WDR37: variants seen among roughly 807,000 people sequenced by gnomAD.
The protein encoded by WDR37 is WD repeat-containing protein 37.
Under a neutral mutation model 62.9 loss-of-function variants are expected in WDR37, and 19 were observed. The observed-to-expected ratio is 0.30, with a 90% CI of 0.21 to 0.44. The LOEUF (loss-of-function observed/expected upper bound fraction) is 0.44. Ranked by LOEUF, WDR37 falls within the 20% of genes least tolerant of loss-of-function variation. The pLI is 1.00. For synonymous variants in WDR37, 250 were observed against 260.9 expected, an observed-to-expected ratio of 0.96 and a Z score of 0.40; for missense variants, 474 against 657.6, an observed-to-expected ratio of 0.72 and a Z score of 3.05.
At chr10:1,090,154 T>C (rs1325875156) in intron 7 of WDR37, among the ~76,000 whole-genome samples, 1 of 151,628 alleles carries the variant, frequency 6.6e-6, no homozygotes, top group Admixed American at 6.6e-5. Flanking sequence ...TTTTTAAAAT[T>C]TATTTTTAAT....
At chr10:1,075,139 A>G (rs1164668091) in intron 2 of WDR37, among the ~76,000 whole-genome samples, 1 of 151,974 alleles carries the variant, frequency 6.6e-6, no homozygotes, top group African/African-American at 2.4e-5. Context: ...GTTGAAAGTC[A>G]TTTTGTAAGC....
At chr10:1,117,707 C>T (rs1425301555) in intron 11 of WDR37, among the ~76,000 whole-genome samples, 6 of 152,174 alleles carry the variant, frequency 3.9e-5, no homozygotes, top group Non-Finnish European at 8.8e-5. Flanking sequence ...ATACGCAGAG[C>T]GGGCAGCATG....
chr10:1,091,732 G>C (rs1834394182), intron 7 of WDR37, among the ~76,000 whole-genome samples: 2 of 152,192 alleles, frequency 1.3e-5, no homozygotes, highest in African/African-American at 4.8e-5. Flanking sequence ...GTGGGCTCCA[G>C]ACTAGGTCAG....
intron 3 of WDR37, among the ~76,000 whole-genome samples, chr10:1,079,374 TG>T (rs1205608813): frequency 1.3e-5 from 2 of 150,720 alleles, no homozygotes; most frequent in Non-Finnish European, 2.9e-5. Context: ...CATGAGATAC[TG>T]TGCCCAGCCC....
intron 8 of WDR37, among the ~76,000 whole-genome samples, chr10:1,093,923 G>T (rs1035310065): frequency 1.3e-5 from 2 of 152,170 alleles, no homozygotes; most frequent in Non-Finnish European, 2.9e-5. Context: ...TTCTTTCTGG[G>T]TAATTTATCT....
At chr10:1,069,357 A>C (rs566968256) in intron 1 of WDR37, among the ~76,000 whole-genome samples, 6 of 132,828 alleles carry the variant, frequency 4.5e-5, no homozygotes, top group African/African-American at 1.4e-4. Flanking sequence ...GTAATAGTAA[A>C]AAAATTGGAA....
intron 11 of WDR37, among the ~76,000 whole-genome samples, chr10:1,106,902 A>G (rs1425872248): frequency 1.3e-5 from 2 of 152,210 alleles, no homozygotes; most frequent in South Asian, 2.1e-4. Flanking sequence ...AGCAGTCACG[A>G]CCATGCGTAG....
At position 1,131,711 on chromosome 10, in the gene WDR37, T is replaced by TGTGTGTGCGCGC. The variant is rs1491415421; in HGVS notation, c.*2368_*2369insTGTGTGCGCGCG. 11 of 148,786 alleles carry TGTGTGTGCGCGC rather than the reference T, an allele frequency of 7.4e-5. No homozygotes were observed. The highest frequency in any genetic ancestry group is 4.3e-4 in the South Asian group (2 of 4,622). The allele number at this position is 148,786 out of a possible 1,614,324, so 9.2% of individuals were successfully genotyped here. A position where few individuals can be genotyped will look rare whatever the true frequency, so the allele number is the denominator to read the frequency against. On this transcript the variant is annotated 3_prime_UTR_variant, in exon 14 of 14. Coordinates refer to ENST00000263150, the MANE Select transcript of WDR37 (RefSeq NM_014023.4). ...GTGTGTGTGTGTGTGTGTGTGTGTG[T>TGTGTGTGCGCGC]GCACGTGTGTGTGGCTAAATTAAGT... is the stretch of plus-strand genomic sequence containing the variant.
chr10:1,105,192 G>A lies in WDR37; in HGVS notation c.1028G>A (p.Arg343His), dbSNP rs1352994433. 1.9e-6 allele frequency: 3 copies of A among 1,613,926 alleles called. No homozygotes were observed. Among genetic ancestry groups the A allele is most frequent in the South Asian group, 1.1e-5 (1 of 91,070 alleles). The change falls in exon 11 of 14, where the codon CGT becomes CAT. Residue 343 changes from arginine (R) to histidine (H), a missense_variant. Transcript: ENST00000263150. The surrounding 1 kb of genome is among the most constrained non-coding windows in gnomAD (Gnocchi z 5.3). ...PTQRLVVTSS[R>H]DTTFRLWDFR... ...CAGCGGCTCGTGGTGACCTCCTCCC[G>A]TGACACGACTTTCCGCCTCTGGGAT... is the stretch of plus-strand genomic sequence containing the variant.
At chr10:1,079,619 C>T (rs1589087897) in intron 3 of WDR37, among the ~76,000 whole-genome samples, 1 of 151,788 alleles carries the variant, frequency 6.6e-6, no homozygotes, top group African/African-American at 2.4e-5. Context: ...ACTGCAATCT[C>T]TGCCTCCCGG....
chr10:1,110,244 G>A (rs1313943895), intron 11 of WDR37, among the ~76,000 whole-genome samples: 1 of 152,206 alleles, frequency 6.6e-6, no homozygotes, highest in African/African-American at 2.4e-5. Flanking sequence ...TGCGCATGCA[G>A]GATGAGGGCT....
intron 1 of WDR37, among the ~76,000 whole-genome samples, chr10:1,062,994 G>T (rs1008601221): frequency 2.0e-5 from 3 of 151,944 alleles, no homozygotes; most frequent in Admixed American, 2.0e-4. Context: ...GCTGAGGTAG[G>T]AGAATTGCTT....
chr10:1,069,354 T>C (rs1833649239), intron 1 of WDR37, among the ~76,000 whole-genome samples: 1 of 130,742 alleles, frequency 7.6e-6, no homozygotes, highest in African/African-American at 2.9e-5. Flanking sequence ...TTAGTAATAG[T>C]AAAAAAATTG....
rs551425204 is a variant in WDR37, at chr10:1,126,166, G to T, written c.1353+1142G>T. Among the ~76,000 whole-genome samples the T allele has an allele frequency of 2.0e-5, 3 of 152,268 alleles. No homozygotes were observed. The South Asian group carries it at 6.2e-4, about 32-fold the overall frequency. On this transcript the variant is annotated intron_variant, in intron 13 of 13. Transcript: ENST00000263150. ...GACGCCTGTAATCGTAGCACTTTGG[G>T]AGGCTGAGGCGGGCAGATCACGAGG...
At chr10:1,114,854 C>T (rs895956232) in intron 11 of WDR37, among the ~76,000 whole-genome samples, 6 of 152,234 alleles carry the variant, frequency 3.9e-5, no homozygotes, top group Admixed American at 6.5e-5. Context: ...TGAACCCACA[C>T]GCAGGCCATT....
chr10:1,071,880 C>CT (rs1385183818), intron 1 of WDR37, among the ~76,000 whole-genome samples: 4 of 151,940 alleles, frequency 2.6e-5, no homozygotes, highest in African/African-American at 9.7e-5. Flanking sequence ...TTTTAAACCT[C>CT]TTTTTTGCCA....
At position 1,105,297 on chromosome 10, in the gene WDR37, T is replaced by G; in HGVS notation, c.1103+30T>G. 1 of 1,595,916 alleles carries G rather than the reference T, an allele frequency of 6.3e-7. No homozygotes were observed. Among genetic ancestry groups the G allele is most frequent in the South Asian group, 1.1e-5 (1 of 89,692 alleles). On this transcript the variant is annotated intron_variant, in intron 11 of 13. Coordinates refer to ENST00000263150, the MANE Select transcript of WDR37 (RefSeq NM_014023.4). This position sits in a 1 kb window ranked among gnomAD's most constrained non-coding sequence, Gnocchi z 5.3. ...GTTGCGGTAGTTTAGACATCTGTCCTTAGTCATGAAAAAGTTCTGTGGGTT... is the reference window on the plus strand; with the variant it reads ...GTTGCGGTAGTTTAGACATCTGTCCGTAGTCATGAAAAAGTTCTGTGGGTT...
intron 5 of WDR37, among the ~76,000 whole-genome samples, chr10:1,082,101 T>A (rs565873839): frequency 6.6e-6 from 1 of 152,216 alleles, no homozygotes; most frequent in African/African-American, 2.4e-5. Context: ...AAAAAATAAC[T>A]ATGAAAATAT....
intron 1 of WDR37, among the ~76,000 whole-genome samples, chr10:1,060,128 C>T (rs1280875566): frequency 6.6e-6 from 1 of 152,230 alleles, no homozygotes; most frequent in Non-Finnish European, 1.5e-5. Context: ...CATGAGCCAT[C>T]ATGCCTGGCC....
Sources: gnomAD v4.1 joint callset for allele counts (sites outside exome capture counted in the v4.1 genomes callset) on GRCh38, gnomAD v4.1.1 for gene constraint, Gnocchi (gnomAD v3.1) non-coding constraint, MANE v1.5 for transcripts, NCBI Gene and HGNC (gene_info 2026-07-23, HGNC 2026-07-21) for gene names.